The following PCDHGB3 variants were observed in gnomAD, a reference collection of about 807,000 sequenced individuals.
The protein encoded by PCDHGB3 is protocadherin gamma subfamily B, 3, also known as protocadherin gamma-B3.
Under a neutral mutation model 59.2 loss-of-function variants are expected in PCDHGB3, and 40 were observed. That is an observed-to-expected ratio of 0.68 (90% CI 0.52 to 0.88). The LOEUF is 0.88. PCDHGB3 is among the 40% of genes least tolerant of loss of function. The pLI, the probability that PCDHGB3 is intolerant of heterozygous loss-of-function variation, is 0.00. For synonymous variants in PCDHGB3, 581 were observed against 503.6 expected, an observed-to-expected ratio of 1.15 and a Z score of -2.06; for missense variants, 1,309 against 1,187.9, an observed-to-expected ratio of 1.10 and a Z score of -1.50.
chr5:141,502,487 C>A (rs563658817), intron 2 of PCDHGB3, among the ~76,000 whole-genome samples: 1 of 152,182 alleles, frequency 6.6e-6, no homozygotes, highest in Non-Finnish European at 1.5e-5. Context: ...CACACTGGGA[C>A]TCATCTAACG....
intron 1 of PCDHGB3, chr5:141,395,373 G>C: frequency 8.4e-7 from 1 of 1,189,414 alleles, no homozygotes; most frequent in Non-Finnish European, 1.1e-6. Context: ...TATTTTGGTG[G>C]TGTTACTATA....
chr5:141,410,653 A>G (rs1272999564), intron 1 of PCDHGB3: 9 of 1,589,886 alleles, frequency 5.7e-6, no homozygotes, highest in Non-Finnish European at 7.7e-6. Context: ...TGATTTATCT[A>G]ATAGTCTACT....
At chr5:141,496,602 C>T (rs981108050) in intron 2 of PCDHGB3, among the ~76,000 whole-genome samples, 1 of 152,150 alleles carries the variant, frequency 6.6e-6, no homozygotes, top group Non-Finnish European at 1.5e-5. Flanking sequence ...TCTTAGAAGG[C>T]CCCTAAAAAG....
chr5:141,388,803 T>G lies in PCDHGB3; in HGVS notation c.2415+15994T>G, dbSNP rs774082539. The G allele has an allele frequency of 3.1e-6, 5 of 1,613,936 alleles. No individual in the cohort carries two copies. In the East Asian group the frequency reaches 1.1e-4, roughly 36 times the overall value. ...AATTACTGTTTTAAATACATTAGATTTTGAAGAAGTCAAAGAATATTCCAT... is the reference window on the plus strand; with the variant it reads ...AATTACTGTTTTAAATACATTAGATGTTGAAGAAGTCAAAGAATATTCCAT... On this transcript the variant is annotated intron_variant, in intron 1 of 3. Transcript: ENST00000576222.
At chr5:141,399,870 C>CT (rs770811342) in intron 1 of PCDHGB3, 103 of 1,612,856 alleles carry the variant, frequency 6.4e-5, no homozygotes, top group Middle Eastern at 5.4e-4. Context: ...CAGAGCCCGG[C>CT]TACCTGGTGA....
At chr5:141,388,363 C>T (rs778705302) in intron 1 of PCDHGB3, 6 of 1,613,854 alleles carry the variant, frequency 3.7e-6, no homozygotes, top group South Asian at 3.3e-5. Flanking sequence ...GCCCATGATG[C>T]GGATATTGGT....
intron 1 of PCDHGB3, among the ~76,000 whole-genome samples, chr5:141,436,538 A>G (rs1353206648): frequency 6.6e-6 from 1 of 152,194 alleles, no homozygotes; most frequent in Admixed American, 6.5e-5. Context: ...CAAGTTATTT[A>G]ATCTCTTTGA....
intron 1 of PCDHGB3, among the ~76,000 whole-genome samples, chr5:141,460,983 GTATATATATATA>G (rs59296681): frequency 7.3e-6 from 1 of 137,780 alleles, no homozygotes. Flanking sequence ...GTGTGTGTGT[GTATATATATATA>G]TGTGTATATA....
At chr5:141,473,919 A>G (rs2099331297) in intron 1 of PCDHGB3, among the ~76,000 whole-genome samples, 1 of 152,172 alleles carries the variant, frequency 6.6e-6, no homozygotes, top group African/African-American at 2.4e-5. Flanking sequence ...TAAGAAAACT[A>G]TGAGCTGGGT....
At chr5:141,423,034 G>A (rs769232324) in intron 1 of PCDHGB3, 1 of 1,614,200 alleles carries the variant, frequency 6.2e-7, no homozygotes, top group Non-Finnish European at 8.5e-7. Context: ...AGGCCAGAAC[G>A]CCTGGCTGTC....
intron 1 of PCDHGB3, among the ~76,000 whole-genome samples, chr5:141,458,248 G>A (rs173682): frequency 3.3e-5 from 5 of 152,112 alleles, no homozygotes; most frequent in African/African-American, 9.7e-5. Flanking sequence ...AAAATGATAC[G>A]GCTCTGATGA....
intron 1 of PCDHGB3, chr5:141,399,485 A>G (rs760899297): frequency 4.7e-5 from 76 of 1,613,904 alleles, no homozygotes; most frequent in Non-Finnish European, 6.1e-5. Context: ...CAGGCGTCCT[A>G]CTTAGTCAGT....
intron 1 of PCDHGB3, among the ~76,000 whole-genome samples, chr5:141,455,959 G>T (rs112864392): frequency 0.11 from 16,680 of 150,504 alleles, 1,459 homozygotes; most frequent in African/African-American, 0.24. Context: ...GTGCAGTGGC[G>T]CGATCTCAGC....
In PCDHGB3 at chr5:141,476,264, G is replaced by A. The variant is rs753184649; in HGVS notation, c.2416-18543G>A. The A allele has an allele frequency of 2.5e-6, 4 of 1,614,082 alleles. No individual in the cohort carries two copies. The highest frequency in any genetic ancestry group is 3.4e-6 in the Non-Finnish European group (4 of 1,180,010). Reference sequence around the variant, plus strand: ...AGAGAAGGGTTTCGCTGTGGGCAACGTGGTCGCGAACCTTGGTTTGGATCT... The same window carrying A: ...AGAGAAGGGTTTCGCTGTGGGCAACATGGTCGCGAACCTTGGTTTGGATCT... On this transcript the variant is annotated intron_variant, in intron 1 of 3. Coordinates refer to ENST00000576222, the MANE Select transcript of PCDHGB3 (RefSeq NM_018924.5). The surrounding 1 kb of genome is among the most constrained non-coding windows in gnomAD (Gnocchi z 7.6).
intron 1 of PCDHGB3, chr5:141,428,064 G>A: frequency 6.2e-7 from 1 of 1,609,060 alleles, no homozygotes; most frequent in East Asian, 2.2e-5. Flanking sequence ...GGCGGTGGAC[G>A]CAGATTCGGG....
rs200512171 is a variant in PCDHGB3, at chr5:141,418,143, T to C, written c.2415+45334T>C. ...AAGGACCGAATAGACCGTGAGCAAA[T>C]ATGCAAAGAGAGAAGAAGATGTGAG... On this transcript the variant is annotated intron_variant, in intron 1 of 3. Transcript: ENST00000576222. 2.6e-4 allele frequency: 419 copies of C among 1,613,982 alleles called. 1 individual carries two copies. In the African/African-American group the frequency reaches 5.2e-3, roughly 20 times the overall value.
At chr5:141,444,880 G>C (rs527554886) in intron 1 of PCDHGB3, among the ~76,000 whole-genome samples, 5 of 152,268 alleles carry the variant, frequency 3.3e-5, no homozygotes, top group Admixed American at 1.3e-4. Flanking sequence ...AAGCTTGTAG[G>C]ATTTTTGAAT....
chr5:141,390,746 T>C (rs1391007986), intron 1 of PCDHGB3: 1 of 172,782 alleles, frequency 5.8e-6, no homozygotes, highest in African/African-American at 2.4e-5. Context: ...TCCATAGTAG[T>C]CCACTGTTTT....
At chr5:141,438,630 A>T (rs1232206839) in intron 1 of PCDHGB3, among the ~76,000 whole-genome samples, 1 of 38,920 alleles carries the variant, frequency 2.6e-5, no homozygotes, top group East Asian at 8.1e-4. Context: ...ATATATATAT[A>T]TATATACACA....
Sources: gnomAD v4.1 joint callset for allele counts (sites outside exome capture counted in the v4.1 genomes callset) on GRCh38, gnomAD v4.1.1 for gene constraint, Gnocchi (gnomAD v3.1) non-coding constraint, MANE v1.5 for transcripts, NCBI Gene and HGNC (gene_info 2026-07-23, HGNC 2026-07-21) for gene names.